The following SLC25A18 variants were observed in gnomAD, a reference collection of about 807,000 sequenced individuals.
SLC25A18 encodes the protein solute carrier family 25 member 18.
In SLC25A18, 24 loss-of-function variants were observed where a neutral mutation model predicts 31.1. The ratio of observed to expected loss-of-function variants is 0.77; its 90% CI spans 0.56 to 1.08. The LOEUF is 1.08. Among genes scored for constraint, SLC25A18 ranks in the 50% least tolerant of loss-of-function variants. SLC25A18 has a pLI of 0.00. For synonymous variants in SLC25A18, 173 were observed against 161.9 expected (o/e 1.07, Z -0.52); for missense variants, 371 against 418.5 (o/e 0.89, Z 0.99).
rs770975904 is a variant in SLC25A18, at chr22:17,590,205, T to C, written c.917T>C (p.Ile306Thr). ...GCTCAAGGGGTCTATTTTATTGGGATTGGAGAGCGCATCTTAAAGTGTTTT... is the reference window on the plus strand; with the variant it reads ...GCTCAAGGGGTCTATTTTATTGGGACTGGAGAGCGCATCTTAAAGTGTTTT... ...GIAQGVYFIG[I>T]GERILKCFD Residue 306 changes from isoleucine (I) to threonine (T), a missense_variant, in exon 11 of 11, where the codon ATT becomes ACT. Ile to Thr is a moderately conservative substitution (Grantham distance 89, BLOSUM62 -1). Coordinates refer to ENST00000327451, the MANE Select transcript of SLC25A18 (RefSeq NM_031481.3). 31 of 1,614,094 alleles carry C rather than the reference T, an allele frequency of 1.9e-5. No individual in the cohort carries two copies. The highest frequency in any genetic ancestry group is 4.4e-5 in the South Asian group (4 of 91,084).
chr22:17,590,895 T>C lies in SLC25A18; in HGVS notation c.*659T>C, dbSNP rs2057694602. ...AGGTGAATGGCTAAAATCTCATCTGTTCATCAGTGGGTACAGCAGATAGGC... is the reference window on the plus strand; with the variant it reads ...AGGTGAATGGCTAAAATCTCATCTGCTCATCAGTGGGTACAGCAGATAGGC... On this transcript the variant is annotated 3_prime_UTR_variant, in exon 11 of 11. Coordinates refer to ENST00000327451, the MANE Select transcript of SLC25A18 (RefSeq NM_031481.3). The C allele has an allele frequency of 6.6e-6, 1 of 152,342 alleles. No individual in the cohort carries two copies. Among genetic ancestry groups the C allele is most frequent in the African/African-American group, 2.4e-5 (1 of 41,428 alleles). 9.4% of individuals were successfully genotyped at this position (152,342 alleles called of 1,614,324 possible).
chr22:17,581,254 G>A, intron 4 of SLC25A18, 95 bp downstream of exon 4: 1 of 1,581,260 alleles, frequency 6.3e-7, no homozygotes, highest in Non-Finnish European at 8.6e-7. Context: ...CGTGAGCCTG[G>A]GGGCTGGGGA....
chr22:17,583,602 T>C (rs2057441565), intron 7 of SLC25A18, 68 bp downstream of exon 7: 2 of 1,558,554 alleles, frequency 1.3e-6, no homozygotes, highest in Non-Finnish European at 1.7e-6. Flanking sequence ...ACATCCCACA[T>C]CCCAACCTCA....
At chr22:17,564,604 G>GT (rs2056885086) in intron 1 of SLC25A18, among the ~76,000 whole-genome samples, 1 of 152,172 alleles carries the variant, frequency 6.6e-6, no homozygotes, top group African/African-American at 2.4e-5. Flanking sequence ...GCTCACACCT[G>GT]TAATCCCAGC....
At chr22:17,586,891 C>T (rs551654949) in intron 7 of SLC25A18, among the ~76,000 whole-genome samples, 2 of 152,304 alleles carry the variant, frequency 1.3e-5, no homozygotes, top group Non-Finnish European at 1.5e-5. Flanking sequence ...GCGGGCCAGG[C>T]TGTGGCTGTG....
At chr22:17,581,303 G>A in intron 4 of SLC25A18, 55 bp from the exon 5 acceptor site, 1 of 1,609,862 alleles carries the variant, frequency 6.2e-7, no homozygotes, top group Non-Finnish European at 8.5e-7. Flanking sequence ...GCAGGGCATG[G>A]AGGCGGCTGG....
intron 6 of SLC25A18, 65 bp from the exon 7 acceptor site, chr22:17,583,351 A>C: frequency 1.2e-5 from 19 of 1,597,936 alleles, no homozygotes; most frequent in Non-Finnish European, 1.5e-5. Context: ...CTCTCACAAG[A>C]GGGCAGCTGC....
rs765026425 is a variant in SLC25A18, at chr22:17,581,146, A to C, written c.130A>C (p.Met44Leu). The C allele has an allele frequency of 1.9e-6, 3 of 1,599,402 alleles. No individual in the cohort carries two copies. Among genetic ancestry groups the C allele is most frequent in the Non-Finnish European group, 2.6e-6 (3 of 1,172,854 alleles). Residue 44 changes from methionine (M) to leucine (L), a missense_variant, in exon 4 of 11, where the codon ATG becomes CTG. Coordinates refer to ENST00000327451, the MANE Select transcript of SLC25A18 (RefSeq NM_031481.3). ...TRLQNQHGKA[M>L]YKGMIDCLMK... ...CCTGCAGAACCAGCATGGGAAAGCCATGTACAAAGGAATGTAGGTGCTGGC... is the reference window on the plus strand; with the variant it reads ...CCTGCAGAACCAGCATGGGAAAGCCCTGTACAAAGGAATGTAGGTGCTGGC...
rs777389695 is a variant in SLC25A18, at chr22:17,583,417, A to G, written c.292A>G (p.Met98Val). ...GGAGCCTGACGCCTGTTCCCATAGGATGCAGCGGAACCTGAAGATGGAGAT... is the reference window on the plus strand; with the variant it reads ...GGAGCCTGACGCCTGTTCCCATAGGGTGCAGCGGAACCTGAAGATGGAGAT... ...FFRRLLMEDG[M>V]QRNLKMEMLA... Residue 98 changes from methionine to valine, a missense_variant and splice_region_variant, in exon 7 of 11, where the codon ATG becomes GTG. By Grantham distance (21) the Met-to-Val change is conservative. Coordinates refer to ENST00000327451, the MANE Select transcript of SLC25A18 (RefSeq NM_031481.3). The G allele has an allele frequency of 3.7e-6, 6 of 1,613,886 alleles. No individual in the cohort carries two copies. The highest frequency in any genetic ancestry group is 5.1e-6 in the Non-Finnish European group (6 of 1,179,998).
chr22:17,581,204 A>T (rs772197011), intron 4 of SLC25A18, 45 bp downstream of exon 4: 1 of 1,567,886 alleles, frequency 6.4e-7, no homozygotes, highest in Admixed American at 1.8e-5. Context: ...CGCCCGGGGG[A>T]GGGATGGGGC....
chr22:17,566,169 G>C (rs1326596515), intron 1 of SLC25A18, among the ~76,000 whole-genome samples: 1 of 152,104 alleles, frequency 6.6e-6, no homozygotes, highest in Non-Finnish European at 1.5e-5. Flanking sequence ...GGTGCCTGCT[G>C]TCACCCCCTC....
chr22:17,585,898 C>T lies in SLC25A18; in HGVS notation c.410-1238C>T, dbSNP rs543215386. On this transcript the variant is annotated intron_variant, in intron 7 of 10. Transcript: ENST00000327451. ...GAACTCCCGACCTCAGGTGATACGC[C>T]TGCCTTGGCCTCCCTAAGTACTGGG... Among the ~76,000 whole-genome samples, 218 of 152,152 alleles carry T rather than the reference C, an allele frequency of 1.4e-3. 1 individual carries two copies. The highest frequency in any genetic ancestry group is 4.6e-3 in the African/African-American group (192 of 41,522).
Position 17,590,397 on chromosome 22 carries a change from T to C in SLC25A18, c.*161T>C. On this transcript the variant is annotated 3_prime_UTR_variant, in exon 11 of 11. Transcript: ENST00000327451. The stretch of plus-strand genomic sequence containing the variant: ...AGAAACAGCCCTATATTCTAACAAG[T>C]TGAGCACAGCCTTCTTCCCCTTCGT... 2.5e-6 allele frequency: 2 copies of C among 796,594 alleles called. No individual in the cohort carries two copies. The highest frequency in any genetic ancestry group is 3.9e-6 in the Non-Finnish European group (2 of 519,282). 49.3% of individuals were successfully genotyped at this position (796,594 alleles called of 1,614,324 possible).
At chr22:17,584,347 T>C (rs533591631) in intron 7 of SLC25A18, among the ~76,000 whole-genome samples, 7 of 145,752 alleles carry the variant, frequency 4.8e-5, no homozygotes, top group Non-Finnish European at 6.0e-5. Context: ...GAGTGGAGCT[T>C]GCGCCACTGC....
intron 7 of SLC25A18, chr22:17,585,383 C>T (rs1011897021): frequency 2.6e-5 from 4 of 151,696 alleles, no homozygotes; most frequent in Non-Finnish European, 4.4e-5. Flanking sequence ...GAGCGAGACT[C>T]CATCTCGAGA....
intron 2 of SLC25A18, among the ~76,000 whole-genome samples, chr22:17,576,347 C>T (rs1170004934): frequency 2.6e-5 from 4 of 150,988 alleles, no homozygotes; most frequent in African/African-American, 9.8e-5. Context: ...GAGTGAGACT[C>T]CGTCTCAAAA....
chr22:17,590,353 G>C lies in SLC25A18; in HGVS notation c.*117G>C, dbSNP rs2057683899. 8.0e-7 allele frequency: 1 copy of C among 1,251,304 alleles called. No homozygotes were observed. Among genetic ancestry groups the C allele is most frequent in the Non-Finnish European group, 1.1e-6 (1 of 896,442 alleles). The allele number at this position is 1,251,304 out of a possible 1,614,324, so 77.5% of individuals were successfully genotyped here. On this transcript the variant is annotated 3_prime_UTR_variant, in exon 11 of 11. Coordinates refer to ENST00000327451, the MANE Select transcript of SLC25A18 (RefSeq NM_031481.3). ...GGCCTGCCTGGTCCTCTGCGTTGTA[G>C]TGCTACCTCAATCTCGGGAGAAACA...
At position 17,582,661 on chromosome 22, in the gene SLC25A18, C is replaced by T; in HGVS notation, c.290+8C>T. On this transcript the variant is annotated splice_region_variant and intron_variant, in intron 6 of 10. Coordinates refer to ENST00000327451, the MANE Select transcript of SLC25A18 (RefSeq NM_031481.3). ...GCTGCTCATGGAAGATGGGTATGGC[C>T]AGGTGGGGTGGGGTTGGATCCTTCA... is the stretch of plus-strand genomic sequence containing the variant. 6.3e-7 allele frequency: 1 copy of T among 1,595,048 alleles called. No individual in the cohort carries two copies. The highest frequency in any genetic ancestry group is 8.5e-7 in the Non-Finnish European group (1 of 1,169,764).
intron 9 of SLC25A18, 86 bp from the exon 10 acceptor site, chr22:17,589,504 T>C (rs767474832): frequency 2.4e-6 from 3 of 1,252,160 alleles, no homozygotes; most frequent in Non-Finnish European, 3.4e-6. Flanking sequence ...GTGGTGGCTC[T>C]ACAGGAGGGC....
Sources: gnomAD v4.1 joint callset for allele counts (sites outside exome capture counted in the v4.1 genomes callset) on GRCh38, gnomAD v4.1.1 for gene constraint, MANE v1.5 for transcripts, NCBI Gene and HGNC (gene_info 2026-07-23, HGNC 2026-07-21) for gene names.